LIN28B: variants seen among roughly 807,000 people sequenced by gnomAD.
LIN28B encodes the protein lin-28 RNA binding posttranscriptional regulator B.
In LIN28B, 5 loss-of-function variants were observed where a neutral mutation model predicts 21.9. The observed-to-expected ratio is 0.23, with a 90% CI of 0.12 to 0.48. The LOEUF is 0.48. Ranked by LOEUF, LIN28B falls within the 20% of genes least tolerant of loss-of-function variation. LIN28B has a pLI of 0.98. For missense variants in LIN28B, 245 were observed against 310.5 expected, an observed-to-expected ratio of 0.79 and a Z score of 1.58; for synonymous variants, 109 against 111.3, an observed-to-expected ratio of 0.98 and a Z score of 0.13.
intron 2 of LIN28B, among the ~76,000 whole-genome samples, chr6:104,979,063 A>G (rs1770164116): frequency 6.6e-6 from 1 of 152,176 alleles, no homozygotes; most frequent in South Asian, 2.1e-4. Context: ...AGATTTAAGT[A>G]ACAATATGGA....
rs751548299 is a variant in LIN28B, at chr6:105,002,166, A to ATTTTT, written c.199-24113_199-24109dup. On this transcript the variant is annotated intron_variant, in intron 2 of 3. Transcript: ENST00000345080. ...TGAGCACTTGAAGAGATTCTCTGGT[A>ATTTTT]TTTTTTTTTTTTTTTTTTTTTTTAC... Among the ~76,000 whole-genome samples the ATTTTT allele has an allele frequency of 1.7e-4, 16 of 95,998 alleles. No homozygotes were observed. The South Asian group carries it at 5.1e-3, about 30-fold the overall frequency. The allele number at this position is 95,998 out of a possible 152,430, so 63.0% of individuals were successfully genotyped here. A position where few individuals can be genotyped will look rare whatever the true frequency, so the allele number is the denominator to read the frequency against.
intron 2 of LIN28B, chr6:104,950,341 C>T (rs1164150216): frequency 2.1e-6 from 1 of 483,004 alleles, no homozygotes; most frequent in Non-Finnish European, 3.3e-6. Flanking sequence ...AAAAAGTTTA[C>T]AGGTCTCTTC....
intron 2 of LIN28B, among the ~76,000 whole-genome samples, chr6:105,001,638 C>G (rs1004834866): frequency 6.6e-6 from 1 of 152,074 alleles, no homozygotes; most frequent in African/African-American, 2.4e-5. Context: ...GAATTATTAA[C>G]AAGGTCAGTG....
Position 105,023,211 on chromosome 6 carries a change from A to G in LIN28B, c.199-3087A>G, listed in dbSNP as rs200414317. On this transcript the variant is annotated intron_variant, in intron 2 of 3. Transcript: ENST00000345080. ...GCAAAGCCATTATAGTTTCTTATGG[A>G]TATATATATATATATAATATATATT... Among the ~76,000 whole-genome samples the G allele has an allele frequency of 4.5e-4, 11 of 24,492 alleles. 1 individual carries two copies. In the East Asian group the frequency reaches 0.026, roughly 58 times the overall value. 16.1% of individuals were successfully genotyped at this position (24,492 alleles called of 152,430 possible). A position where few individuals can be genotyped will look rare whatever the true frequency, so the allele number is the denominator to read the frequency against.
intron 2 of LIN28B, among the ~76,000 whole-genome samples, chr6:104,967,061 C>G (rs914522128): frequency 6.6e-6 from 1 of 152,040 alleles, no homozygotes; most frequent in Non-Finnish European, 1.5e-5. Context: ...AATCACCATG[C>G]CTGGCCTCAC....
At chr6:104,993,313 A>G (rs1048116303) in intron 2 of LIN28B, among the ~76,000 whole-genome samples, 1 of 152,114 alleles carries the variant, frequency 6.6e-6, no homozygotes, top group Non-Finnish European at 1.5e-5. Flanking sequence ...AAAATAAAAA[A>G]TAAAAATTAG....
Position 104,958,427 on chromosome 6 carries a change from A to G in LIN28B, c.198+141A>G, listed in dbSNP as rs1047658171. The G allele has an allele frequency of 5.1e-6, 3 of 588,994 alleles. No individual in the cohort carries two copies. The African/African-American group carries it at 5.5e-5, about 11-fold the overall frequency. The allele number at this position is 588,994 out of a possible 1,614,324, so 36.5% of individuals were successfully genotyped here. Reference sequence around the variant, plus strand: ...TTCCCTGAAATCACTAGGTAGTCCAACGTTTAGGGTACGTGTATGGGCCTT... The same window carrying G: ...TTCCCTGAAATCACTAGGTAGTCCAGCGTTTAGGGTACGTGTATGGGCCTT... On this transcript the variant is annotated intron_variant, in intron 2 of 3. Transcript: ENST00000345080.
chr6:105,019,228 G>A (rs1771087826), intron 2 of LIN28B, among the ~76,000 whole-genome samples: 1 of 152,248 alleles, frequency 6.6e-6, no homozygotes, highest in South Asian at 2.1e-4. Context: ...GATTACAGGC[G>A]TGAGCCACCG....
At chr6:104,981,472 CTCT>C (rs1441629076) in intron 2 of LIN28B, among the ~76,000 whole-genome samples, 4 of 152,196 alleles carry the variant, frequency 2.6e-5, no homozygotes, top group African/African-American at 7.2e-5. Flanking sequence ...CTTACATCTG[CTCT>C]TCTTCTGTTC....
intron 3 of LIN28B, among the ~76,000 whole-genome samples, chr6:105,062,417 C>T (rs907624977): frequency 6.6e-6 from 1 of 152,156 alleles, no homozygotes; most frequent in Admixed American, 6.5e-5. Context: ...CCAGGAAGAA[C>T]AGTCGTCAGC....
chr6:105,010,162 C>T (rs1770892418), intron 2 of LIN28B, among the ~76,000 whole-genome samples: 2 of 152,016 alleles, frequency 1.3e-5, no homozygotes, highest in South Asian at 4.2e-4. Flanking sequence ...ATGAGAGCAG[C>T]CTGGGCAACA....
upstream of LIN28B, among the ~76,000 whole-genome samples, chr6:104,954,404 C>T (rs1190637): frequency 0.042 from 6,328 of 152,124 alleles, 471 homozygotes; most frequent in African/African-American, 0.14. Context: ...AAAACAGTGC[C>T]ATATTCTTAA....
intron 2 of LIN28B, among the ~76,000 whole-genome samples, chr6:104,964,981 G>A (rs1377977304): frequency 6.6e-6 from 1 of 152,128 alleles, no homozygotes; most frequent in Non-Finnish European, 1.5e-5. Flanking sequence ...GAAGAGTAGA[G>A]GTAATGTTAT....
chr6:104,963,834 T>G (rs946204443), intron 2 of LIN28B, among the ~76,000 whole-genome samples: 9 of 152,194 alleles, frequency 5.9e-5, no homozygotes, highest in Non-Finnish European at 1.3e-4. Context: ...AAAAGACTAT[T>G]CACAACAAAT....
At chr6:105,049,960 G>A (rs1333693959) in intron 3 of LIN28B, among the ~76,000 whole-genome samples, 2 of 152,092 alleles carry the variant, frequency 1.3e-5, no homozygotes, top group African/African-American at 4.8e-5. Context: ...TATCCAATTT[G>A]CCAGTCTGTG....
chr6:104,960,690 TAAATACATAA>T (rs974333213), intron 2 of LIN28B, among the ~76,000 whole-genome samples: 1 of 152,102 alleles, frequency 6.6e-6, no homozygotes, highest in Non-Finnish European at 1.5e-5. Context: ...GTGTCCTTAA[TAAATACATAA>T]AAATTTATGC....
At chr6:105,045,284 G>GTTTTTTTTT (rs57205680) in intron 3 of LIN28B, among the ~76,000 whole-genome samples, 3 of 116,850 alleles carry the variant, frequency 2.6e-5, no homozygotes, top group African/African-American at 6.7e-5. Flanking sequence ...ATGTCATTCT[G>GTTTTTTTTT]TTTTTTTTTT....
chr6:104,954,091 C>T (rs1582860904), upstream of LIN28B, among the ~76,000 whole-genome samples: 1 of 152,104 alleles, frequency 6.6e-6, no homozygotes, highest in East Asian at 1.9e-4. Context: ...TTTGTAGCTA[C>T]TTGAACTCAT....
At chr6:105,042,183 G>T (rs542966210) in intron 3 of LIN28B, among the ~76,000 whole-genome samples, 8 of 152,176 alleles carry the variant, frequency 5.3e-5, no homozygotes, top group African/African-American at 1.9e-4. Context: ...TTCTCCAGAA[G>T]AAAAAGTGCC....
Sources: allele counts gnomAD v4.1 joint callset (sites outside exome capture counted in the v4.1 genomes callset), GRCh38; gene constraint gnomAD v4.1.1; transcripts MANE v1.5; gene names NCBI Gene and HGNC (gene_info 2026-07-23, HGNC 2026-07-21).